The following TNNI3K variants were observed in gnomAD, a reference collection of about 807,000 sequenced individuals.
TNNI3K encodes the protein serine/threonine-protein kinase TNNI3K.
A neutral mutation model predicts 114.5 loss-of-function variants in TNNI3K; 140 were observed. The ratio of observed to expected loss-of-function variants is 1.22; its 90% CI spans 1.07 to 1.41. The LOEUF (loss-of-function observed/expected upper bound fraction) is 1.41, where lower values mean the gene tolerates loss of function less well. Ranked by LOEUF, TNNI3K falls within the 40% of genes most tolerant of loss-of-function variation. The probability of loss-of-function intolerance (pLI) is 0.00; values close to 1 mark genes in which losing one functional copy is unlikely to be tolerated. For synonymous variants in TNNI3K, 347 were observed against 347.5 expected (o/e 1.00, Z 0.02); for missense variants, 1,125 against 1,007.6 (o/e 1.12, Z -1.58).
chr1:74,470,063 C>A (rs1002945706), intron 21 of TNNI3K: 2 of 400,534 alleles, frequency 5.0e-6, no homozygotes, highest in Admixed American at 4.4e-5. Flanking sequence ...ACTGTCATTG[C>A]GCCTTCTTTA....
chr1:74,335,226 T>C (rs929597969), intron 6 of TNNI3K, among the ~76,000 whole-genome samples: 1 of 152,176 alleles, frequency 6.6e-6, no homozygotes, highest in African/African-American at 2.4e-5. Context: ...AACTTGGGTA[T>C]AGATAAATTA....
intron 5 of TNNI3K, among the ~76,000 whole-genome samples, chr1:74,325,757 G>A (rs114130030): frequency 6.6e-6 from 1 of 152,248 alleles, no homozygotes; most frequent in Non-Finnish European, 1.5e-5. Context: ...TAGGAGGAAG[G>A]ACAATAGTTG....
chr1:74,314,225 T>G (rs1460558447), intron 5 of TNNI3K, among the ~76,000 whole-genome samples: 1 of 150,902 alleles, frequency 6.6e-6, no homozygotes, highest in Non-Finnish European at 1.5e-5. Flanking sequence ...TTCATCCATC[T>G]TTGGTGATCA....
intron 20 of TNNI3K, among the ~76,000 whole-genome samples, chr1:74,448,290 T>C (rs1413782127): frequency 6.1e-5 from 9 of 146,594 alleles, no homozygotes; most frequent in Middle Eastern, 3.6e-3. Flanking sequence ...AAAAGAATGC[T>C]TGTGATTTTT....
At chr1:74,408,595 T>C (rs1327717781) in intron 17 of TNNI3K, among the ~76,000 whole-genome samples, 1 of 152,224 alleles carries the variant, frequency 6.6e-6, no homozygotes, top group East Asian at 1.9e-4. Flanking sequence ...ATACATTTCA[T>C]CTGCCCACAA....
intron 23 of TNNI3K, among the ~76,000 whole-genome samples, chr1:74,527,977 C>G (rs1046892919): frequency 6.6e-6 from 1 of 152,014 alleles, no homozygotes; most frequent in Non-Finnish European, 1.5e-5. Context: ...TGGGGCTGCC[C>G]GGCCAAGGTG....
intron 20 of TNNI3K, among the ~76,000 whole-genome samples, chr1:74,457,393 G>T (rs1254755279): frequency 1.3e-5 from 2 of 152,136 alleles, no homozygotes; most frequent in Non-Finnish European, 2.9e-5. Context: ...GCCATTCTTA[G>T]TGCAATCTCA....
At chr1:74,288,360 G>A (rs1657461207) in intron 5 of TNNI3K, among the ~76,000 whole-genome samples, 1 of 151,996 alleles carries the variant, frequency 6.6e-6, no homozygotes, top group African/African-American at 2.4e-5. Flanking sequence ...CAACCTAAGT[G>A]TCCATCTATT....
chr1:74,460,388 C>G (rs1315271689), intron 20 of TNNI3K, among the ~76,000 whole-genome samples: 1 of 152,174 alleles, frequency 6.6e-6, no homozygotes, highest in Non-Finnish European at 1.5e-5. Flanking sequence ...TACTCCTACT[C>G]TAGATCTAGG....
At chr1:74,299,581 T>C (rs909396717) in intron 5 of TNNI3K, among the ~76,000 whole-genome samples, 1 of 152,126 alleles carries the variant, frequency 6.6e-6, no homozygotes, top group Non-Finnish European at 1.5e-5. Context: ...TGATTATCTC[T>C]TTATATTATC....
intron 2 of TNNI3K, among the ~76,000 whole-genome samples, chr1:74,242,675 TCAA>T (rs1654316330): frequency 6.6e-6 from 1 of 152,096 alleles, no homozygotes; most frequent in Non-Finnish European, 1.5e-5. Context: ...ATAAGAATCG[TCAA>T]CAACAAAAAA....
chr1:74,433,778 A>G (rs1666000867), intron 17 of TNNI3K, among the ~76,000 whole-genome samples: 1 of 152,094 alleles, frequency 6.6e-6, no homozygotes, highest in African/African-American at 2.4e-5. Flanking sequence ...CTTGCCAAGC[A>G]TAACTCTGAC....
intron 21 of TNNI3K, among the ~76,000 whole-genome samples, chr1:74,484,868 C>T (rs1160655170): frequency 6.6e-6 from 1 of 152,146 alleles, no homozygotes; most frequent in Non-Finnish European, 1.5e-5. Flanking sequence ...ATTTTAACTA[C>T]TGAGTTGGGA....
intron 23 of TNNI3K, among the ~76,000 whole-genome samples, chr1:74,498,988 C>T (rs1195052542): frequency 2.6e-5 from 4 of 152,092 alleles, no homozygotes; most frequent in Non-Finnish European, 4.4e-5. Context: ...CTGATAAATA[C>T]ACCAATTATT....
At chr1:74,496,876 G>A (rs1669354248) in intron 23 of TNNI3K, among the ~76,000 whole-genome samples, 1 of 152,124 alleles carries the variant, frequency 6.6e-6, no homozygotes. Context: ...ATTTAGAAAT[G>A]ACAAACTGAT....
Position 74,364,163 on chromosome 1 carries a change from C to G in TNNI3K, c.1178-3093C>G, listed in dbSNP as rs114665499. ...TACAGGCAGATGCTACCATGCCCCACTAATTTAAAAAAAAATTTTTTTTAG... is the reference window on the plus strand; with the variant it reads ...TACAGGCAGATGCTACCATGCCCCAGTAATTTAAAAAAAAATTTTTTTTAG... On this transcript the variant is annotated intron_variant, in intron 11 of 24. Coordinates refer to ENST00000326637, the MANE Select transcript of TNNI3K (RefSeq NM_015978.3). 6.4e-3 allele frequency among the ~76,000 whole-genome samples: 965 copies of G among 151,286 alleles called. 16 individuals carry two copies. The highest frequency in any genetic ancestry group is 0.022 in the African/African-American group (922 of 41,158).
At chr1:74,513,223 T>G (rs557690896) in intron 23 of TNNI3K, among the ~76,000 whole-genome samples, 1 of 152,306 alleles carries the variant, frequency 6.6e-6, no homozygotes, top group African/African-American at 2.4e-5. Context: ...CACGTGTGCT[T>G]TCCTAGTTCG....
intron 23 of TNNI3K, among the ~76,000 whole-genome samples, chr1:74,497,195 A>G: frequency 6.6e-6 from 1 of 152,130 alleles, no homozygotes; most frequent in South Asian, 2.1e-4. Context: ...TAGCACCATG[A>G]CACTGATGTT....
chr1:74,464,767 G>A, intron 21 of TNNI3K: 1 of 1,552,096 alleles, frequency 6.4e-7, no homozygotes, highest in African/African-American at 1.4e-5. Flanking sequence ...CATTCAACCT[G>A]ATGTGTTACA....
Sources: allele counts gnomAD v4.1 joint callset (sites outside exome capture counted in the v4.1 genomes callset), GRCh38; gene constraint gnomAD v4.1.1; transcripts MANE v1.5; gene names NCBI Gene and HGNC (gene_info 2026-07-23, HGNC 2026-07-21).